PDZD8: variants seen among roughly 807,000 people sequenced by gnomAD.
PDZD8 encodes PDZ domain containing 8.
PDZD8 carries 14 observed loss-of-function variants against 85.8 expected under a neutral mutation model. The observed-to-expected ratio is 0.16, with a 90% CI of 0.11 to 0.26. The LOEUF (loss-of-function observed/expected upper bound fraction) is 0.26, where lower values mean the gene tolerates loss of function less well. Among genes scored for constraint, PDZD8 ranks in the 10% least tolerant of loss-of-function variants. The pLI is 1.00. For synonymous variants in PDZD8, 592 were observed against 568.6 expected (o/e 1.04, Z -0.59); for missense variants, 1,197 against 1,424.3 (o/e 0.84, Z 2.57).
chr10:117,318,874 T>A lies in PDZD8; in HGVS notation c.1096A>T (p.Thr366Ser). Residue 366 changes from threonine to serine, a missense_variant and splice_region_variant, in exon 3 of 5, where the codon ACG becomes TCG. By Grantham distance (58) the Thr-to-Ser change is moderately conservative. Around this residue, in one of 4 missense-constraint regions of PDZD8, gnomAD observed 344 missense variants for 453.6 expected, o/e 0.76. Coordinates refer to ENST00000334464, the MANE Select transcript of PDZD8 (RefSeq NM_173791.5). ...AAATCACTGTAAATCCATTTTACCG[T>A]CTTAATAGAACTCCTCTGTTTTTCT... The part of the protein sequence containing the change: ...WEEKQRSSIK[T>S]VELIKGNLQS... The A allele has an allele frequency of 6.3e-7, 1 of 1,581,454 alleles. No individual in the cohort carries two copies. The highest frequency in any genetic ancestry group is 8.7e-7 in the Non-Finnish European group (1 of 1,151,394).
intron 1 of PDZD8, among the ~76,000 whole-genome samples, chr10:117,373,079 C>A (rs935430071): frequency 1.3e-5 from 2 of 151,832 alleles, no homozygotes; most frequent in Non-Finnish European, 2.9e-5. Flanking sequence ...AAAGGAGGAC[C>A]GAAAGAGAAG....
At chr10:117,300,068 C>G (rs544467275) in intron 3 of PDZD8, among the ~76,000 whole-genome samples, 7 of 152,136 alleles carry the variant, frequency 4.6e-5, no homozygotes, top group South Asian at 2.1e-4. Context: ...AGAAACCCCC[C>G]CCATGTCAAA....
chr10:117,359,062 A>ATTT (rs57182574), intron 1 of PDZD8, among the ~76,000 whole-genome samples: 82 of 151,506 alleles, frequency 5.4e-4, no homozygotes, highest in East Asian at 1.6e-3. Context: ...ATGCTAGTTG[A>ATTT]TTTTTTTTAA....
Position 117,290,179 on chromosome 10 carries a change from T to C in PDZD8, c.1261+7A>G. On this transcript the variant is annotated splice_region_variant and intron_variant, in intron 4 of 4. Transcript: ENST00000334464. ...AGGTAAAGTATAATGCATATTAGCA[T>C]AATTACCTCCAATGGCGATAAGTCG... The C allele has an allele frequency of 6.2e-7, 1 of 1,611,420 alleles. No individual in the cohort carries two copies. The highest frequency in any genetic ancestry group is 1.3e-5 in the African/African-American group (1 of 74,948).
intron 1 of PDZD8, among the ~76,000 whole-genome samples, chr10:117,370,918 T>TTGTGTGTGTGTGTGTGTGTGTGTGTG (rs71475194): frequency 2.0e-5 from 3 of 146,448 alleles, no homozygotes; most frequent in South Asian, 2.2e-4. Flanking sequence ...ACAACATAGT[T>TTGTGTGTGTGTGTGTGTGTGTGTGTG]TGTGTGTGTG....
intron 2 of PDZD8, among the ~76,000 whole-genome samples, chr10:117,336,628 G>A: frequency 6.7e-6 from 1 of 150,104 alleles, no homozygotes; most frequent in South Asian, 2.1e-4. Context: ...AGAAAGTAAT[G>A]AAGTCTAAAA....
chr10:117,283,304 T>C lies in PDZD8; in HGVS notation c.3429A>G (p.Ile1143Met). The change falls in exon 5 of 5, where the codon ATA (isoleucine) becomes ATG (methionine). Residue 1143 changes from isoleucine to methionine, a missense_variant. Ile to Met is a conservative substitution (Grantham distance 10). Transcript: ENST00000334464. ...QLIDSQPFSS[I>M]SDDLFGPSES... is the part of the protein sequence containing the mutation. ...CGGATGGGCCAAATAAGTCATCTGA[T>C]ATGCTGCTGAATGGCTGAGAGTCTA... The C allele has an allele frequency of 6.2e-7, 1 of 1,613,320 alleles. No homozygotes were observed. The highest frequency in any genetic ancestry group is 1.1e-5 in the South Asian group (1 of 90,870).
intron 1 of PDZD8, among the ~76,000 whole-genome samples, chr10:117,360,409 T>C (rs776497517): frequency 6.6e-6 from 1 of 152,058 alleles, no homozygotes. Context: ...GCTAAAAAAA[T>C]GGGCAAATCC....
chr10:117,355,977 AT>A (rs1240413249), intron 1 of PDZD8, among the ~76,000 whole-genome samples: 3 of 152,122 alleles, frequency 2.0e-5, no homozygotes, highest in Non-Finnish European at 4.4e-5. Flanking sequence ...ATCATGTTCT[AT>A]TTTTTAAAAC....
intron 2 of PDZD8, among the ~76,000 whole-genome samples, chr10:117,328,316 G>C (rs552385136): frequency 6.6e-6 from 1 of 152,244 alleles, no homozygotes; most frequent in African/African-American, 2.4e-5. Flanking sequence ...ACCAGCAGTG[G>C]CTCTATGTTG....
At position 117,357,190 on chromosome 10, in the gene PDZD8, C is replaced by T. The variant is rs1180050268; in HGVS notation, c.873-16088G>A. Among the ~76,000 whole-genome samples, 9 of 151,978 alleles carry T rather than the reference C, an allele frequency of 5.9e-5. 1 individual carries two copies. The highest frequency in any genetic ancestry group is 1.3e-4 in the Non-Finnish European group (9 of 67,996). ...GGTGGATCACTTAAGGCCAGGAGTT[C>T]GAGACCAGCCTGGCCAACACAGTGA... On this transcript the variant is annotated intron_variant, in intron 1 of 4. Transcript: ENST00000334464.
At chr10:117,368,487 T>C (rs1328796823) in intron 1 of PDZD8, among the ~76,000 whole-genome samples, 1 of 152,182 alleles carries the variant, frequency 6.6e-6, no homozygotes, top group African/African-American at 2.4e-5. Flanking sequence ...TTTTCCAATG[T>C]AATAGAAAGG....
intron 3 of PDZD8, 105 bp downstream of exon 3, chr10:117,318,767 T>C: frequency 1.3e-6 from 1 of 758,102 alleles, no homozygotes; most frequent in Non-Finnish European, 2.1e-6. Context: ...TTCATAGCTA[T>C]TTGCACATGA....
At chr10:117,320,137 A>T (rs1035787523) in intron 2 of PDZD8, among the ~76,000 whole-genome samples, 7 of 152,170 alleles carry the variant, frequency 4.6e-5, no homozygotes, top group African/African-American at 1.7e-4. Flanking sequence ...AAGGAACTTT[A>T]AACTTAGTGC....
intron 2 of PDZD8, among the ~76,000 whole-genome samples, chr10:117,324,120 C>T (rs1275164022): frequency 7.1e-6 from 1 of 140,096 alleles, no homozygotes; most frequent in Non-Finnish European, 1.5e-5. Flanking sequence ...CTCAGCCACT[C>T]AAGAGGCTGA....
At chr10:117,332,987 C>T (rs985234190) in intron 2 of PDZD8, among the ~76,000 whole-genome samples, 6 of 150,790 alleles carry the variant, frequency 4.0e-5, no homozygotes, top group African/African-American at 7.3e-5. Context: ...GGTGTGGTGG[C>T]GGGTGCCTGT....
chr10:117,300,353 A>C lies in PDZD8; in HGVS notation c.1099-10005T>G, dbSNP rs937828444. Among the ~76,000 whole-genome samples, 7 of 152,212 alleles carry C rather than the reference A, an allele frequency of 4.6e-5. No homozygotes were observed. In the South Asian group the frequency reaches 1.4e-3, roughly 31 times the overall value. On this transcript the variant is annotated intron_variant, in intron 3 of 4. Coordinates refer to ENST00000334464, the MANE Select transcript of PDZD8 (RefSeq NM_173791.5). The stretch of plus-strand genomic sequence containing the variant: ...ACAGAGACTCTTTAAAAATTTGCTT[A>C]TATAAATGGAAGTTTTGGAAAACAT...
At chr10:117,319,390 TAA>T (rs1467071137) in intron 2 of PDZD8, among the ~76,000 whole-genome samples, 15 of 84,614 alleles carry the variant, frequency 1.8e-4, no homozygotes, top group African/African-American at 6.4e-4. Flanking sequence ...TAATTGCTCA[TAA>T]ACACACACAC....
intron 1 of PDZD8, among the ~76,000 whole-genome samples, chr10:117,369,002 C>G (rs899326803): frequency 2.6e-5 from 4 of 151,510 alleles, no homozygotes; most frequent in African/African-American, 7.3e-5. Context: ...ACTGCAGGTG[C>G]GTGCCATTTT....
Sources: allele counts gnomAD v4.1 joint callset (sites outside exome capture counted in the v4.1 genomes callset), GRCh38; gene constraint gnomAD v4.1.1; regional missense constraint gnomAD v4.1.1; transcripts MANE v1.5; gene names NCBI Gene and HGNC (gene_info 2026-07-23, HGNC 2026-07-21).